Variants in MX2 observed in about 807,000 individuals in gnomAD.
MX2 encodes the protein interferon-induced GTP-binding protein Mx2.
In MX2, 51 loss-of-function variants were observed where a neutral mutation model predicts 74.0. The observed-to-expected ratio is 0.69, with a 90% CI of 0.55 to 0.87. The LOEUF is 0.87. Ranked by LOEUF, MX2 falls within the 40% of genes least tolerant of loss-of-function variation. The probability of loss-of-function intolerance (pLI) is 0.00; values close to 1 mark genes in which losing one functional copy is unlikely to be tolerated. For synonymous variants in MX2, 369 were observed against 339.3 expected (o/e 1.09, Z -0.96); for missense variants, 832 against 908.7 (o/e 0.92, Z 1.09).
intron 12 of MX2, among the ~76,000 whole-genome samples, chr21:41,405,124 C>A (rs1011602919): frequency 1.3e-5 from 2 of 151,996 alleles, no homozygotes; most frequent in Admixed American, 1.3e-4. Context: ...GCCTGGCCAA[C>A]CCGGTGAAAC....
At chr21:41,382,674 G>A in intron 5 of MX2, 110 bp downstream of exon 5, 1 of 1,422,172 alleles carries the variant, frequency 7.0e-7, no homozygotes, top group Non-Finnish European at 9.6e-7. Context: ...GGATGAGGAT[G>A]GAGTCTCAGG....
At chr21:41,406,584 G>A (rs1225906333) in intron 12 of MX2, among the ~76,000 whole-genome samples, 160 bp from the exon 13 acceptor site, 2 of 152,216 alleles carry the variant, frequency 1.3e-5, no homozygotes, top group African/African-American at 4.8e-5. Flanking sequence ...CAGAAAGGGC[G>A]AAGTGGGACT....
intron 5 of MX2, among the ~76,000 whole-genome samples, chr21:41,385,059 G>A (rs2089551779): frequency 6.6e-6 from 1 of 152,170 alleles, no homozygotes; most frequent in African/African-American, 2.4e-5. Flanking sequence ...GTGTGAGTGT[G>A]TGTCTCCTTA....
Position 41,388,682 on chromosome 21 carries a change from C to T in MX2, c.733-1883C>T, listed in dbSNP as rs934524404. On this transcript the variant is annotated intron_variant, in intron 5 of 13. Coordinates refer to ENST00000330714, the MANE Select transcript of MX2 (RefSeq NM_002463.2). This position sits in a 1 kb window ranked among gnomAD's most constrained non-coding sequence, Gnocchi z 4.0. ...GCTAATGTTTGCTGCATGCACATAA[C>T]GTGCTCTTTATGGTCACCCCCTCTC... 8.5e-5 allele frequency among the ~76,000 whole-genome samples: 13 copies of T among 152,304 alleles called. No homozygotes were observed. Among genetic ancestry groups the T allele is most frequent in the Non-Finnish European group, 1.5e-4 (10 of 68,016 alleles).
At chr21:41,373,293 CAGATAAATTGGGTGTGGCAAGGGGGG>C (rs1225607806) in intron 1 of MX2, among the ~76,000 whole-genome samples, 5 of 152,188 alleles carry the variant, frequency 3.3e-5, no homozygotes, top group Non-Finnish European at 5.9e-5. Context: ...GGAGCTGAGG[CAGATAAATTGGGTGTGGCAAGGGGGG>C]TGTCTGCCAG....
rs1465334664 is a variant in MX2, at chr21:41,398,980, C to T, written c.1233C>T (p.Ile411=). The change falls in exon 9 of 14, where the codon ATC becomes ATT. Residue 411 remains isoleucine, a synonymous_variant. Coordinates refer to ENST00000330714, the MANE Select transcript of MX2 (RefSeq NM_002463.2). The stretch of plus-strand genomic sequence containing the variant: ...AGCTGCGGCGTTGCGGGGCTGACAT[C>T]CCCAGCCAGGAGGCCGACAAGATGT... ...TEELRRCGAD[I]PSQEADKMFF... is the part of the protein sequence containing the mutation. The T allele has an allele frequency of 6.2e-7, 1 of 1,613,812 alleles. No individual in the cohort carries two copies. Among genetic ancestry groups the T allele is most frequent in the African/African-American group, 1.3e-5 (1 of 74,908 alleles).
At chr21:41,399,532 G>T in intron 10 of MX2, 195 bp downstream of exon 10, 1 of 534,910 alleles carries the variant, frequency 1.9e-6, no homozygotes, top group South Asian at 2.5e-5. Context: ...TCAACACAGG[G>T]CAATTCCACT....
At chr21:41,403,709 C>G in intron 12 of MX2, 1 of 488,066 alleles carries the variant, frequency 2.0e-6, no homozygotes, top group Non-Finnish European at 4.2e-6. Context: ...GTATGTTTGA[C>G]TCAAAGATGT....
Position 41,380,187 on chromosome 21 carries a change from G to A in MX2, c.577+36G>A. 1 of 1,612,488 alleles carries A rather than the reference G, an allele frequency of 6.2e-7. No individual in the cohort carries two copies. The highest frequency in any genetic ancestry group is 8.5e-7 in the Non-Finnish European group (1 of 1,178,980). On this transcript the variant is annotated intron_variant, in intron 4 of 13. Coordinates refer to ENST00000330714, the MANE Select transcript of MX2 (RefSeq NM_002463.2). This position sits in a 1 kb window ranked among gnomAD's most constrained non-coding sequence, Gnocchi z 4.3. ...GTCATTCTGAGGTTCGGATCTGGCA[G>A]CCGCTCCTCTCACTTCCTCGGTTCC...
At chr21:41,367,608 AT>A (rs1173499724) in intron 1 of MX2, among the ~76,000 whole-genome samples, 1 of 152,148 alleles carries the variant, frequency 6.6e-6, no homozygotes, top group Non-Finnish European at 1.5e-5. Context: ...AGAAAAAAGG[AT>A]CCCCTCCTAT....
chr21:41,401,509 G>A (rs976153008), intron 10 of MX2: 4 of 153,828 alleles, frequency 2.6e-5, no homozygotes, highest in Admixed American at 1.9e-4. Context: ...AGATAGCTGG[G>A]ACTAAAGGCA....
At chr21:41,404,598 G>A (rs1214826779) in intron 12 of MX2, 1 of 151,800 alleles carries the variant, frequency 6.6e-6, no homozygotes, top group Admixed American at 6.6e-5. Flanking sequence ...AAGGAGGGTA[G>A]GCAATGAGGC....
chr21:41,362,750 CTTTTTTTT>C (rs56903696), intron 1 of MX2, among the ~76,000 whole-genome samples: 1,442 of 82,078 alleles, frequency 0.018, 22 homozygotes, highest in African/African-American at 0.066. Flanking sequence ...GTTTTTTTTT[CTTTTTTTT>C]TTTTTTTTTT....
intron 5 of MX2, among the ~76,000 whole-genome samples, chr21:41,389,365 T>C (rs1731831450): frequency 1.3e-5 from 2 of 151,770 alleles, no homozygotes; most frequent in African/African-American, 4.8e-5. Context: ...AATAAAAAAT[T>C]AAAAAATTAA....
intron 1 of MX2, among the ~76,000 whole-genome samples, chr21:41,373,395 C>T (rs1361983598): frequency 6.6e-6 from 1 of 152,198 alleles, no homozygotes; most frequent in Admixed American, 6.5e-5. Context: ...CTCTCTGTGC[C>T]TTGTTGGGAG....
chr21:41,401,953 T>G lies in MX2; in HGVS notation c.1415-17T>G, dbSNP rs754448547. On this transcript the variant is annotated splice_polypyrimidine_tract_variant and intron_variant, in intron 10 of 13. Coordinates refer to ENST00000330714, the MANE Select transcript of MX2 (RefSeq NM_002463.2). ...GAATTAGCAGAATTCACCATGGAGG[T>G]CTGTTTGATGTTGCAGTTAAAAATA... 1.2e-6 allele frequency: 2 copies of G among 1,608,534 alleles called. No homozygotes were observed. The highest frequency in any genetic ancestry group is 2.2e-5 in the South Asian group (2 of 90,170).
intron 5 of MX2, among the ~76,000 whole-genome samples, chr21:41,385,299 G>C (rs951624781): frequency 1.3e-5 from 2 of 152,202 alleles, no homozygotes; most frequent in Admixed American, 6.5e-5. Flanking sequence ...TGGTTTGGCT[G>C]TGTCCCCACC....
Position 41,402,055 on chromosome 21 carries a change from A to G in MX2, c.1500A>G (p.Thr500=). 1.2e-6 allele frequency: 2 copies of G among 1,614,198 alleles called. No individual in the cohort carries two copies. Among genetic ancestry groups the G allele is most frequent in the Non-Finnish European group, 8.5e-7 (1 of 1,180,030 alleles). The change falls in exon 11 of 14, where the codon ACA becomes ACG. Residue 500 remains threonine, a synonymous_variant. Coordinates refer to ENST00000330714, the MANE Select transcript of MX2 (RefSeq NM_002463.2). This position sits in a 1 kb window ranked among gnomAD's most constrained non-coding sequence, Gnocchi z 4.5. ...KELLGFVNYK[T]FEIIVHQYIQ... is the part of the protein sequence containing the mutation. ...TTCTGGGATTTGTCAACTACAAGAC[A>G]TTTGAGATCATCGTGCATCAGTACA...
At chr21:41,384,296 C>T (rs2089539488) in intron 5 of MX2, among the ~76,000 whole-genome samples, 1 of 152,182 alleles carries the variant, frequency 6.6e-6, no homozygotes, top group Non-Finnish European at 1.5e-5. Flanking sequence ...CGGACTAATA[C>T]AGGTGGGATC....
Sources: gnomAD v4.1 joint callset for allele counts (sites outside exome capture counted in the v4.1 genomes callset) on GRCh38, gnomAD v4.1.1 for gene constraint, Gnocchi (gnomAD v3.1) non-coding constraint, MANE v1.5 for transcripts, NCBI Gene and HGNC (gene_info 2026-07-23, HGNC 2026-07-21) for gene names.